Variants in P4HA1 observed in about 807,000 individuals in gnomAD.
P4HA1 encodes prolyl 4-hydroxylase subunit alpha 1, also known as prolyl 4-hydroxylase subunit alpha-1.
P4HA1 carries 24 observed loss-of-function variants against 72.8 expected under a neutral mutation model. That is an observed-to-expected ratio of 0.33 (90% CI 0.24 to 0.46). The LOEUF (loss-of-function observed/expected upper bound fraction) is 0.46, where lower values mean the gene tolerates loss of function less well. Among genes scored for constraint, P4HA1 ranks in the 20% least tolerant of loss-of-function variants. The pLI is 1.00. For synonymous variants in P4HA1, 201 were observed against 218.8 expected (o/e 0.92, Z 0.72); for missense variants, 446 against 640.6 (o/e 0.70, Z 3.28).
rs1187853888 is a variant in P4HA1 at position 73,093,899 on chromosome 10, TATATATATACAC to T, written c.-33+2855_-33+2866del. Among the ~76,000 whole-genome samples the T allele has an allele frequency of 5.0e-4, 38 of 76,144 alleles. 1 individual carries two copies. The highest frequency in any genetic ancestry group is 2.4e-3 in the African/African-American group (38 of 16,118). The allele number at this position is 76,144 out of a possible 152,430, so 50.0% of individuals were successfully genotyped here. ...ATATATATATATATATATATATATA[TATATATATACAC>T]ACACACACACACACACATACTCATT... On this transcript the variant is annotated intron_variant, in intron 1 of 14. Coordinates refer to ENST00000394890, the MANE Select transcript of P4HA1 (RefSeq NM_001017962.3).
chr10:73,026,058 C>A (rs1840258854), intron 10 of P4HA1, among the ~76,000 whole-genome samples: 1 of 152,130 alleles, frequency 6.6e-6, no homozygotes. Context: ...TCAATGCCAT[C>A]CCCATCAAGC....
chr10:73,026,253 CAG>C (rs1327912553), intron 10 of P4HA1, among the ~76,000 whole-genome samples: 2 of 152,166 alleles, frequency 1.3e-5, no homozygotes, highest in Non-Finnish European at 2.9e-5. Flanking sequence ...GGTACCAAAA[CAG>C]AGACATAGAC....
chr10:73,048,558 C>A (rs1840931539), intron 7 of P4HA1, among the ~76,000 whole-genome samples: 1 of 152,266 alleles, frequency 6.6e-6, no homozygotes. Context: ...AGCCATCGTG[C>A]CTGGCAAGAA....
intron 10 of P4HA1, among the ~76,000 whole-genome samples, chr10:73,027,190 A>T (rs1840294077): frequency 6.6e-6 from 1 of 152,232 alleles, no homozygotes; most frequent in African/African-American, 2.4e-5. Context: ...AAAGACTTGG[A>T]ACCAACCCAA....
chr10:73,034,277 T>A (rs12247364), intron 9 of P4HA1, among the ~76,000 whole-genome samples: 24,205 of 152,142 alleles, frequency 0.16, 3,208 homozygotes, highest in African/African-American at 0.34. Flanking sequence ...GACTATTTTT[T>A]AAATTATGGT....
At chr10:73,039,779 T>C (rs1332316405) in intron 9 of P4HA1, among the ~76,000 whole-genome samples, 17 of 152,004 alleles carry the variant, frequency 1.1e-4, no homozygotes, top group Admixed American at 1.1e-3. Flanking sequence ...AAAATACAGA[T>C]GTTCCCAGGC....
At chr10:73,067,609 G>A (rs1841457720) in intron 5 of P4HA1, among the ~76,000 whole-genome samples, 1 of 152,150 alleles carries the variant, frequency 6.6e-6, no homozygotes, top group African/African-American at 2.4e-5. Flanking sequence ...ATCTGAATAT[G>A]ATATGCTCTC....
At chr10:73,052,467 A>T (rs1841043832) in intron 6 of P4HA1, among the ~76,000 whole-genome samples, 1 of 152,050 alleles carries the variant, frequency 6.6e-6, no homozygotes, top group South Asian at 2.1e-4. Flanking sequence ...CTTATAGATG[A>T]CTCTTCTGTA....
At chr10:73,013,576 C>T (rs1169205694) in intron 12 of P4HA1, among the ~76,000 whole-genome samples, 3 of 152,160 alleles carry the variant, frequency 2.0e-5, no homozygotes, top group Non-Finnish European at 2.9e-5. Flanking sequence ...TTAAGAAAAT[C>T]GTTGTTATTT....
At chr10:73,084,724 C>T (rs531708323) in intron 1 of P4HA1, among the ~76,000 whole-genome samples, 3 of 152,290 alleles carry the variant, frequency 2.0e-5, no homozygotes, top group East Asian at 1.9e-4. Context: ...TAACCAATCA[C>T]AGGAAACAAT....
chr10:73,058,110 AAAAAAAAAAG>A (rs1487338660), intron 5 of P4HA1, among the ~76,000 whole-genome samples: 8 of 150,492 alleles, frequency 5.3e-5, no homozygotes, highest in African/African-American at 2.0e-4. Flanking sequence ...AAAAAAAAAA[AAAAAAAAAAG>A]GTGAATAAAG....
intron 1 of P4HA1, among the ~76,000 whole-genome samples, chr10:73,093,907 T>TATATATAC (rs1256283876): frequency 2.8e-3 from 158 of 55,528 alleles, no homozygotes; most frequent in South Asian, 6.1e-3. Context: ...TATATATATA[T>TATATATAC]ACACACACAC....
chr10:73,014,508 A>C (rs765704789), intron 11 of P4HA1, among the ~76,000 whole-genome samples: 2 of 152,132 alleles, frequency 1.3e-5, no homozygotes, highest in Admixed American at 6.6e-5. Flanking sequence ...CCTGGCCTCA[A>C]GCGATCCTCC....
At chr10:73,059,424 TAAAAAA>T (rs920360586) in intron 5 of P4HA1, among the ~76,000 whole-genome samples, 4 of 24,178 alleles carry the variant, frequency 1.7e-4, no homozygotes, top group Admixed American at 9.9e-4. Flanking sequence ...ACAATATATT[TAAAAAA>T]AAAAAAAAAA....
rs780124651 is a variant in P4HA1 at position 73,068,991 on chromosome 10, T to C, written c.326-8A>G. 2 of 1,596,980 alleles carry C rather than the reference T, an allele frequency of 1.3e-6. No individual in the cohort carries two copies. Among genetic ancestry groups the C allele is most frequent in the Non-Finnish European group, 1.7e-6 (2 of 1,171,248 alleles). On this transcript the variant is annotated splice_region_variant and splice_polypyrimidine_tract_variant and intron_variant, in intron 4 of 14. Coordinates refer to ENST00000394890, the MANE Select transcript of P4HA1 (RefSeq NM_001017962.3). ...TTAGGTTAGAGATAAAGCCTTGAAA[T>C]AGATAAATCAAAGAAAAAAAAACTG...
At chr10:73,056,421 C>T (rs1049119797) in intron 5 of P4HA1, among the ~76,000 whole-genome samples, 17 of 151,106 alleles carry the variant, frequency 1.1e-4, no homozygotes, top group African/African-American at 3.9e-4. Context: ...CACCTGAGGT[C>T]GGAAATTCGA....
chr10:73,028,905 C>T (rs1407159895), intron 10 of P4HA1, among the ~76,000 whole-genome samples: 1 of 149,072 alleles, frequency 6.7e-6, no homozygotes, highest in South Asian at 2.1e-4. Context: ...ATTAGCTAGC[C>T]GTGGCGGCAT....
At chr10:73,062,694 C>T (rs1201225381) in intron 5 of P4HA1, among the ~76,000 whole-genome samples, 1 of 152,114 alleles carries the variant, frequency 6.6e-6, no homozygotes, top group East Asian at 1.9e-4. Context: ...TGCCCAGAAC[C>T]GGACTTAGCT....
chr10:73,038,968 C>T (rs919952204), intron 9 of P4HA1, among the ~76,000 whole-genome samples: 21 of 152,078 alleles, frequency 1.4e-4, no homozygotes, highest in Admixed American at 4.6e-4. Context: ...GATGACTTGC[C>T]AAAAGTTAAC....
Sources: allele counts gnomAD v4.1 joint callset (sites outside exome capture counted in the v4.1 genomes callset), GRCh38; gene constraint gnomAD v4.1.1; transcripts MANE v1.5; gene names NCBI Gene and HGNC (gene_info 2026-07-23, HGNC 2026-07-21).